The following PDE4D variants were observed in gnomAD, a reference collection of about 807,000 sequenced individuals.
PDE4D encodes phosphodiesterase 4D.
A neutral mutation model predicts 87.4 loss-of-function variants in PDE4D; 24 were observed. That is an observed-to-expected ratio of 0.27 (90% CI 0.20 to 0.39). The LOEUF (loss-of-function observed/expected upper bound fraction) is 0.39, where lower values mean the gene tolerates loss of function less well. Ranked by LOEUF, PDE4D falls within the 10% of genes least tolerant of loss-of-function variation. The pLI, the probability that PDE4D is intolerant of heterozygous loss-of-function variation, is 1.00. For synonymous variants in PDE4D, 384 were observed against 383.2 expected, an observed-to-expected ratio of 1.00 and a Z score of -0.02; for missense variants, 714 against 1,041.0, an observed-to-expected ratio of 0.69 and a Z score of 4.32.
chr5:59,092,576 T>C (rs377486626), intron 5 of PDE4D, among the ~76,000 whole-genome samples: 3 of 152,306 alleles, frequency 2.0e-5, no homozygotes, highest in African/African-American at 7.2e-5. Flanking sequence ...ACGGTTTCAT[T>C]TTAAATCCCT....
chr5:60,404,211 A>G (rs1741341036), intron 1 of PDE4D, among the ~76,000 whole-genome samples: 1 of 146,620 alleles, frequency 6.8e-6, no homozygotes, highest in South Asian at 2.1e-4. Context: ...ATCTGGAGAC[A>G]GAGCCACATT....
chr5:59,304,929 T>C (rs1201422391), intron 1 of PDE4D, among the ~76,000 whole-genome samples: 1 of 152,104 alleles, frequency 6.6e-6, no homozygotes, highest in Non-Finnish European at 1.5e-5. Context: ...TTAGGGAAGG[T>C]TCCTTCTTTC....
intron 1 of PDE4D, among the ~76,000 whole-genome samples, chr5:59,612,299 T>C (rs990956783): frequency 1.0e-5 from 1 of 96,694 alleles, no homozygotes; most frequent in Non-Finnish European, 2.1e-5. Context: ...CTTTTAAAAA[T>C]GGATGTTCTA....
At chr5:59,356,775 A>T in intron 1 of PDE4D, 1 of 1,568,832 alleles carries the variant, frequency 6.4e-7, no homozygotes, top group Middle Eastern at 1.7e-4. Context: ...ACTTTGAGAA[A>T]CGCAATCTTG....
Position 60,162,835 on chromosome 5 carries a change from C to A in PDE4D, c.42+22722G>T, listed in dbSNP as rs541949703. Among the ~76,000 whole-genome samples the A allele has an allele frequency of 6.7e-4, 102 of 152,080 alleles. 1 individual carries two copies. Among genetic ancestry groups the A allele is most frequent in the Admixed American group, 6.2e-3 (94 of 15,258 alleles). The stretch of plus-strand genomic sequence containing the variant: ...TTTTCCCTTATCCCAGAAAGCCCAA[C>A]ACTTGGCACCCCTTCTACCTGGTAC... On this transcript the variant is annotated intron_variant, in intron 2 of 16. Coordinates refer to the PDE4D transcript ENST00000502484.
chr5:60,059,936 G>A (rs1057416484), intron 2 of PDE4D, among the ~76,000 whole-genome samples: 14 of 151,928 alleles, frequency 9.2e-5, no homozygotes, highest in Admixed American at 7.9e-4. Flanking sequence ...CCAAAGCAAA[G>A]TGCAAGTCAG....
At chr5:59,518,193 TTGTGTGTGTGTG>T (rs34669732) in intron 1 of PDE4D, among the ~76,000 whole-genome samples, 30 of 149,544 alleles carry the variant, frequency 2.0e-4, no homozygotes, top group Non-Finnish European at 3.1e-4. Flanking sequence ...ACTTGTGTGT[TTGTGTGTGTGTG>T]TGTGTGTGTG....
chr5:60,109,571 T>C (rs1282273432), intron 2 of PDE4D, among the ~76,000 whole-genome samples: 7 of 152,112 alleles, frequency 4.6e-5, no homozygotes, highest in Non-Finnish European at 7.4e-5. Flanking sequence ...CGTATGTTTA[T>C]TGTGGCACTA....
chr5:59,499,526 C>A (rs931478622), intron 1 of PDE4D, among the ~76,000 whole-genome samples: 1 of 151,852 alleles, frequency 6.6e-6, no homozygotes, highest in African/African-American at 2.4e-5. Context: ...TGATATACTG[C>A]TAGCTAGATT....
At chr5:60,456,065 T>G (rs76059437) in intron 1 of PDE4D, among the ~76,000 whole-genome samples, 2 of 152,126 alleles carry the variant, frequency 1.3e-5, no homozygotes, top group Admixed American at 1.3e-4. Flanking sequence ...CTAAGATTCA[T>G]GCACAGCCCC....
At chr5:59,173,751 T>C (rs1184166861) in intron 5 of PDE4D, among the ~76,000 whole-genome samples, 2 of 152,314 alleles carry the variant, frequency 1.3e-5, no homozygotes, top group Non-Finnish European at 2.9e-5. Flanking sequence ...CTGCTGGTGG[T>C]TGATGAGGAA....
At chr5:60,162,298 C>G (rs1782531702) in intron 2 of PDE4D, among the ~76,000 whole-genome samples, 1 of 152,102 alleles carries the variant, frequency 6.6e-6, no homozygotes, top group Non-Finnish European at 1.5e-5. Flanking sequence ...GTATCCATAA[C>G]TGAAATTAAC....
chr5:59,202,242 G>A (rs181099237), intron 2 of PDE4D, among the ~76,000 whole-genome samples: 3 of 151,840 alleles, frequency 2.0e-5, no homozygotes, highest in Non-Finnish European at 2.9e-5. Context: ...GGATTTCACC[G>A]TGTTAGCCAG....
intron 2 of PDE4D, among the ~76,000 whole-genome samples, chr5:60,053,585 A>C (rs1016881102): frequency 6.6e-6 from 1 of 152,196 alleles, no homozygotes; most frequent in Non-Finnish European, 1.5e-5. Flanking sequence ...AACCATAAAA[A>C]CCCTAGAAGA....
intron 1 of PDE4D, among the ~76,000 whole-genome samples, chr5:60,393,100 A>G (rs1762661551): frequency 1.3e-5 from 2 of 152,238 alleles, no homozygotes; most frequent in Admixed American, 6.5e-5. Context: ...AGGAAAGCTT[A>G]TAACAGAGGG....
intron 5 of PDE4D, among the ~76,000 whole-genome samples, chr5:59,136,698 C>T (rs538007119): frequency 4.6e-5 from 7 of 152,174 alleles, no homozygotes; most frequent in African/African-American, 1.4e-4. Context: ...ACTTTACTCC[C>T]GACAGTCATG....
chr5:60,319,969 TC>T, intron 1 of PDE4D, among the ~76,000 whole-genome samples: 1 of 152,344 alleles, frequency 6.6e-6, no homozygotes, highest in East Asian at 1.9e-4. Flanking sequence ...TTCTCAGATC[TC>T]CAGCTGCGTG....
intron 4 of PDE4D, among the ~76,000 whole-genome samples, chr5:59,181,543 G>GAT (rs3061466): frequency 0.03 from 3,542 of 118,804 alleles, 101 homozygotes; most frequent in South Asian, 0.12. Flanking sequence ...AAAGATGTCT[G>GAT]ATATATATAT....
chr5:59,841,236 A>G (rs1354075569), intron 1 of PDE4D, among the ~76,000 whole-genome samples: 4 of 152,066 alleles, frequency 2.6e-5, no homozygotes, highest in Non-Finnish European at 5.9e-5. Flanking sequence ...CTGCTTCTTG[A>G]ACTGGAAGTG....
Sources: allele counts gnomAD v4.1 joint callset (sites outside exome capture counted in the v4.1 genomes callset), GRCh38; gene constraint gnomAD v4.1.1; transcripts MANE v1.5; gene names NCBI Gene and HGNC (gene_info 2026-07-23, HGNC 2026-07-21).